The following RSRC1 variants were observed in gnomAD, a reference collection of about 807,000 sequenced individuals.
RSRC1 encodes serine/Arginine-related protein 53.
In RSRC1, 39 loss-of-function variants were observed where a neutral mutation model predicts 49.1. The ratio of observed to expected loss-of-function variants is 0.79; its 90% CI spans 0.61 to 1.04. RSRC1 has a LOEUF of 1.04. Ranked by LOEUF, RSRC1 falls within the 50% of genes least tolerant of loss-of-function variation. The probability of loss-of-function intolerance (pLI) is 0.00; values close to 1 mark genes in which losing one functional copy is unlikely to be tolerated. For synonymous variants in RSRC1, 143 were observed against 130.8 expected, an observed-to-expected ratio of 1.09 and a Z score of -0.63; for missense variants, 388 against 402.4, an observed-to-expected ratio of 0.96 and a Z score of 0.31.
intron 7 of RSRC1, among the ~76,000 whole-genome samples, chr3:158,481,976 CCGTAAGG>C (rs2108436864): frequency 6.6e-6 from 1 of 152,010 alleles, no homozygotes; most frequent in African/African-American, 2.4e-5. Context: ...GATTATGATT[CCGTAAGG>C]AATCCTAAAA....
At chr3:158,526,567 G>A (rs1010751501) in intron 7 of RSRC1, among the ~76,000 whole-genome samples, 1 of 151,974 alleles carries the variant, frequency 6.6e-6, no homozygotes, top group African/African-American at 2.4e-5. Flanking sequence ...TGAACTCTGA[G>A]AGAGCAACTG....
intron 6 of RSRC1, among the ~76,000 whole-genome samples, chr3:158,396,731 G>A (rs1733632692): frequency 6.6e-6 from 1 of 152,068 alleles, no homozygotes; most frequent in Non-Finnish European, 1.5e-5. Flanking sequence ...GTGACAGTAG[G>A]TATATGGAAG....
In RSRC1 at chr3:158,539,651, G is replaced by A. The variant is rs1712923893; in HGVS notation, c.759+2453G>A. Reference sequence around the variant, plus strand: ...ACTCAAAGCCATATATTTCATAGTAGCCATTTTGAGGTTTTGTTTTATAGT... The same window carrying A: ...ACTCAAAGCCATATATTTCATAGTAACCATTTTGAGGTTTTGTTTTATAGT... On this transcript the variant is annotated intron_variant, in intron 8 of 9. Transcript: ENST00000611884. This position sits in a 1 kb window ranked among gnomAD's most constrained non-coding sequence, Gnocchi z 4.1. 6.6e-6 allele frequency among the ~76,000 whole-genome samples: 1 copy of A among 152,032 alleles called. No homozygotes were observed. Among genetic ancestry groups the A allele is most frequent in the Admixed American group, 6.6e-5 (1 of 15,250 alleles).
At chr3:158,284,054 C>A (rs1726351393) in intron 4 of RSRC1, among the ~76,000 whole-genome samples, 1 of 150,316 alleles carries the variant, frequency 6.7e-6, no homozygotes, top group Admixed American at 6.6e-5. Context: ...CCCCCCACCC[C>A]ACAACAGTCC....
intron 6 of RSRC1, among the ~76,000 whole-genome samples, chr3:158,406,526 T>G (rs13321065): frequency 0.094 from 14,243 of 152,124 alleles, 2,274 homozygotes; most frequent in African/African-American, 0.33. Flanking sequence ...ACTAAAGTCA[T>G]TAAAATAACC....
chr3:158,205,196 A>G (rs960639702), intron 4 of RSRC1, among the ~76,000 whole-genome samples: 8 of 152,148 alleles, frequency 5.3e-5, no homozygotes, highest in Non-Finnish European at 1.0e-4. Flanking sequence ...GGTAGTCTGC[A>G]TTATGGTTTT....
chr3:158,354,265 G>A (rs573432852), intron 5 of RSRC1, among the ~76,000 whole-genome samples: 15 of 152,092 alleles, frequency 9.9e-5, no homozygotes, highest in Admixed American at 6.6e-4. Context: ...CTGGGATTAC[G>A]GGCGTCAGCC....
chr3:158,146,886 A>G (rs1231039842), intron 3 of RSRC1, among the ~76,000 whole-genome samples: 7 of 152,148 alleles, frequency 4.6e-5, no homozygotes, highest in Admixed American at 4.6e-4. Flanking sequence ...GAATTTATCC[A>G]CAGAAATAGA....
intron 5 of RSRC1, among the ~76,000 whole-genome samples, chr3:158,327,562 T>G (rs1370742384): frequency 6.6e-6 from 1 of 152,196 alleles, no homozygotes; most frequent in Non-Finnish European, 1.5e-5. Context: ...TTCTTAATCC[T>G]GAGTTCTAGT....
At chr3:158,252,881 CAT>C (rs1468156968) in intron 4 of RSRC1, among the ~76,000 whole-genome samples, 1 of 152,132 alleles carries the variant, frequency 6.6e-6, no homozygotes. Context: ...TATAGTTTCT[CAT>C]AGTAGCCTTT....
At chr3:158,352,057 G>T (rs191650027) in intron 5 of RSRC1, among the ~76,000 whole-genome samples, 1 of 151,684 alleles carries the variant, frequency 6.6e-6, no homozygotes, top group Non-Finnish European at 1.5e-5. Flanking sequence ...ATTGCTTGAG[G>T]CCAGGAGTTT....
intron 7 of RSRC1, chr3:158,469,253 TTAAC>T (rs1464859872): frequency 2.8e-6 from 1 of 354,840 alleles, no homozygotes; most frequent in African/African-American, 2.2e-5. Context: ...TGTTTTATAG[TTAAC>T]TAGTTTAAAA....
At chr3:158,118,413 C>CCG (rs1274379257) in intron 1 of RSRC1, among the ~76,000 whole-genome samples, 1 of 90,070 alleles carries the variant, frequency 1.1e-5, no homozygotes, top group African/African-American at 4.7e-5. Context: ...ACCTGGCCTT[C>CCG]TGTGTGTGTG....
At chr3:158,311,245 C>T (rs748916958) in intron 5 of RSRC1, among the ~76,000 whole-genome samples, 29 of 151,830 alleles carry the variant, frequency 1.9e-4, no homozygotes, top group Middle Eastern at 3.2e-3. Flanking sequence ...GAATTCCTTA[C>T]GGTTAAACTC....
At chr3:158,339,811 C>T (rs1417713109) in intron 5 of RSRC1, among the ~76,000 whole-genome samples, 1 of 152,052 alleles carries the variant, frequency 6.6e-6, no homozygotes, top group East Asian at 1.9e-4. Flanking sequence ...GACAACAGAA[C>T]AATTAATTAA....
At chr3:158,294,833 C>A (rs536991117) in intron 4 of RSRC1, among the ~76,000 whole-genome samples, 40 of 152,290 alleles carry the variant, frequency 2.6e-4, no homozygotes, top group African/African-American at 9.1e-4. Context: ...AATTGCCTTG[C>A]TCTTTACATG....
At chr3:158,525,652 C>T (rs1297157139) in intron 7 of RSRC1, among the ~76,000 whole-genome samples, 1 of 151,952 alleles carries the variant, frequency 6.6e-6, no homozygotes, top group African/African-American at 2.4e-5. Context: ...CTGGAAACAA[C>T]CCAAATGTTC....
At chr3:158,408,373 TC>T (rs1734262231) in intron 6 of RSRC1, among the ~76,000 whole-genome samples, 1 of 152,178 alleles carries the variant, frequency 6.6e-6, no homozygotes, top group Non-Finnish European at 1.5e-5. Context: ...ATATTGAGCC[TC>T]CTGATAAAGG....
At chr3:158,267,044 A>G (rs1469898572) in intron 4 of RSRC1, among the ~76,000 whole-genome samples, 2 of 152,172 alleles carry the variant, frequency 1.3e-5, no homozygotes, top group Non-Finnish European at 2.9e-5. Flanking sequence ...GATTACAGAC[A>G]TGAGACAGCA....
Sources: gnomAD v4.1 joint callset for allele counts (sites outside exome capture counted in the v4.1 genomes callset) on GRCh38, gnomAD v4.1.1 for gene constraint, Gnocchi (gnomAD v3.1) non-coding constraint, MANE v1.5 for transcripts, NCBI Gene and HGNC (gene_info 2026-07-23, HGNC 2026-07-21) for gene names.